The following THSD7A variants were observed in gnomAD, a reference collection of about 807,000 sequenced individuals.
THSD7A encodes thrombospondin type 1 domain containing 7A, also known as thrombospondin type-1 domain-containing protein 7A.
Under a neutral mutation model 231.3 loss-of-function variants are expected in THSD7A, and 96 were observed. The ratio of observed to expected loss-of-function variants is 0.41; its 90% CI spans 0.35 to 0.49. THSD7A has a LOEUF of 0.49. Ranked by LOEUF, THSD7A falls within the 20% of genes least tolerant of loss-of-function variation. THSD7A has a pLI of 0.05. For synonymous variants in THSD7A, 940 were observed against 743.3 expected, an observed-to-expected ratio of 1.26 and a Z score of -4.30; for missense variants, 2,290 against 2,070.2, an observed-to-expected ratio of 1.11 and a Z score of -2.06.
At chr7:11,533,354 G>A (rs1308786277) in intron 6 of THSD7A, among the ~76,000 whole-genome samples, 1 of 152,130 alleles carries the variant, frequency 6.6e-6, no homozygotes, top group African/African-American at 2.4e-5. Flanking sequence ...CAAGAAAACA[G>A]TGGACTAGGA....
At chr7:11,500,198 C>T (rs1787273670) in intron 6 of THSD7A, among the ~76,000 whole-genome samples, 1 of 152,108 alleles carries the variant, frequency 6.6e-6, no homozygotes, top group South Asian at 2.1e-4. Flanking sequence ...AAAAAATCTT[C>T]AACTAACACT....
At position 11,632,216 on chromosome 7, in the gene THSD7A, T is replaced by C. The variant is rs191995491; in HGVS notation, c.1022+3914A>G. ...TCCCTTATAAATTTCACAGTAACAA[T>C]GTACAGTTGGTATATTTACTAAATA... On this transcript the variant is annotated intron_variant, in intron 2 of 27. Transcript: ENST00000423059. The surrounding 1 kb of genome is among the most constrained non-coding windows in gnomAD (Gnocchi z 4.1). Among the ~76,000 whole-genome samples the C allele has an allele frequency of 6.6e-6, 1 of 152,160 alleles. No individual in the cohort carries two copies. The highest frequency in any genetic ancestry group is 1.5e-5 in the Non-Finnish European group (1 of 68,024).
chr7:11,502,331 C>A (rs934277727), intron 6 of THSD7A, among the ~76,000 whole-genome samples: 5 of 152,206 alleles, frequency 3.3e-5, no homozygotes, highest in African/African-American at 1.2e-4. Context: ...AGAGACACAA[C>A]AACAACAAAA....
chr7:11,541,408 G>A lies in THSD7A; in HGVS notation c.1822+11C>T, dbSNP rs775415619. On this transcript the variant is annotated intron_variant, in intron 6 of 27. Transcript: ENST00000423059. ...ACATCCATAAAAACATAATAGATAC[G>A]TCTGTCTTACCATCACTGTTGATGC... 2.5e-5 allele frequency: 40 copies of A among 1,612,938 alleles called. No individual in the cohort carries two copies. Among genetic ancestry groups the A allele is most frequent in the East Asian group, 4.5e-5 (2 of 44,868 alleles).
chr7:11,497,046 A>G (rs915426384), intron 6 of THSD7A, among the ~76,000 whole-genome samples: 3 of 152,214 alleles, frequency 2.0e-5, no homozygotes, highest in African/African-American at 7.2e-5. Flanking sequence ...TAATTCACTT[A>G]CAGTTCAGAA....
chr7:11,521,261 A>T (rs537789029), intron 6 of THSD7A, among the ~76,000 whole-genome samples: 2 of 152,226 alleles, frequency 1.3e-5, no homozygotes, highest in East Asian at 3.9e-4. Flanking sequence ...ACAAAATGTC[A>T]TCTAGGTTAC....
At chr7:11,523,387 G>C (rs1474253026) in intron 6 of THSD7A, among the ~76,000 whole-genome samples, 3 of 152,004 alleles carry the variant, frequency 2.0e-5, no homozygotes, top group Non-Finnish European at 2.9e-5. Context: ...TGTTCCATCT[G>C]ACAAAATTTT....
intron 16 of THSD7A, among the ~76,000 whole-genome samples, chr7:11,424,015 G>T (rs1388054768): frequency 2.0e-5 from 3 of 152,128 alleles, no homozygotes; most frequent in Non-Finnish European, 4.4e-5. Context: ...AACACAGTGA[G>T]GGGTATATGG....
intron 6 of THSD7A, among the ~76,000 whole-genome samples, chr7:11,528,490 T>C (rs1583911894): frequency 6.6e-6 from 1 of 152,144 alleles, no homozygotes; most frequent in South Asian, 2.1e-4. Flanking sequence ...TTTCTTTTCC[T>C]CAAAGAAAAA....
At chr7:11,420,092 C>T (rs2115404007) in intron 16 of THSD7A, among the ~76,000 whole-genome samples, 1 of 152,272 alleles carries the variant, frequency 6.6e-6, no homozygotes, top group Non-Finnish European at 1.5e-5. Flanking sequence ...AGAAAATTTG[C>T]AGCCCCACCA....
intron 1 of THSD7A, among the ~76,000 whole-genome samples, chr7:11,745,404 C>T (rs1408851500): frequency 6.6e-6 from 1 of 152,014 alleles, no homozygotes; most frequent in Admixed American, 6.6e-5. Flanking sequence ...TGCTTGTTCA[C>T]TCTGATGATA....
intron 6 of THSD7A, among the ~76,000 whole-genome samples, chr7:11,484,901 T>TTTTTTTTTTTTTTA (rs1786589434): frequency 7.8e-6 from 1 of 128,836 alleles, no homozygotes; most frequent in Non-Finnish European, 1.6e-5. Flanking sequence ...TTTTTTTTTT[T>TTTTTTTTTTTTTTA]TTTTGTGGAG....
chr7:11,380,412 CA>C (rs1782464185), intron 24 of THSD7A, among the ~76,000 whole-genome samples: 3 of 152,260 alleles, frequency 2.0e-5, no homozygotes, highest in African/African-American at 7.2e-5. Flanking sequence ...CTCCTATTTT[CA>C]AACTATACTT....
chr7:11,419,088 G>T (rs116792221), intron 16 of THSD7A, among the ~76,000 whole-genome samples: 1,977 of 152,192 alleles, frequency 0.013, 56 homozygotes, highest in African/African-American at 0.045. Context: ...TTGAGTAGGT[G>T]GTGTCACTAT....
chr7:11,436,747 G>C (rs565717686), intron 13 of THSD7A, among the ~76,000 whole-genome samples: 46 of 151,424 alleles, frequency 3.0e-4, no homozygotes, highest in African/African-American at 9.7e-4. Flanking sequence ...AAACAAAAAT[G>C]CCAAAAGCTT....
At chr7:11,657,324 A>G (rs1782747739) in intron 1 of THSD7A, among the ~76,000 whole-genome samples, 1 of 151,758 alleles carries the variant, frequency 6.6e-6, no homozygotes, top group South Asian at 2.1e-4. Context: ...TTTAGGTACA[A>G]TTGTGAAGGT....
At chr7:11,437,303 C>G (rs563186638) in intron 13 of THSD7A, among the ~76,000 whole-genome samples, 1 of 152,122 alleles carries the variant, frequency 6.6e-6, no homozygotes, top group Admixed American at 6.6e-5. Context: ...ATCACCTCCT[C>G]TGTGCTCCCT....
intron 11 of THSD7A, among the ~76,000 whole-genome samples, chr7:11,454,461 T>C (rs1785239632): frequency 6.6e-6 from 1 of 151,880 alleles, no homozygotes; most frequent in South Asian, 2.1e-4. Flanking sequence ...AACTGGTCAA[T>C]GAGCTGTTCC....
intron 4 of THSD7A, among the ~76,000 whole-genome samples, chr7:11,564,105 A>G (rs765200047): frequency 6.6e-6 from 1 of 152,214 alleles, no homozygotes; most frequent in Non-Finnish European, 1.5e-5. Context: ...CAATCGAGTG[A>G]AAGATACACT....
Sources: gnomAD v4.1 joint callset for allele counts (sites outside exome capture counted in the v4.1 genomes callset) on GRCh38, gnomAD v4.1.1 for gene constraint, Gnocchi (gnomAD v3.1) non-coding constraint, MANE v1.5 for transcripts, NCBI Gene and HGNC (gene_info 2026-07-23, HGNC 2026-07-21) for gene names.